CADPS2: variants seen among roughly 807,000 people sequenced by gnomAD.
The protein encoded by CADPS2 is calcium dependent secretion activator 2, also known as calcium-dependent secretion activator 2.
Under a neutral mutation model 172.5 loss-of-function variants are expected in CADPS2, and 93 were observed. The observed-to-expected ratio is 0.54, with a 90% CI of 0.46 to 0.64. The LOEUF is 0.64. Among genes scored for constraint, CADPS2 ranks in the 30% least tolerant of loss-of-function variants. The probability of loss-of-function intolerance (pLI) is 0.00; values close to 1 mark genes in which losing one functional copy is unlikely to be tolerated. For missense variants in CADPS2, 1,420 were observed against 1,565.9 expected (o/e 0.91, Z 1.57); for synonymous variants, 546 against 555.2 (o/e 0.98, Z 0.23).
intron 1 of CADPS2, among the ~76,000 whole-genome samples, chr7:122,866,571 C>T (rs890249517): frequency 6.6e-6 from 1 of 152,090 alleles, no homozygotes; most frequent in African/African-American, 2.4e-5. Flanking sequence ...TGTAGTGGCA[C>T]GCACCTGTAG....
At chr7:122,618,022 C>T (rs906081273) in intron 5 of CADPS2, among the ~76,000 whole-genome samples, 1 of 144,910 alleles carries the variant, frequency 6.9e-6, no homozygotes, top group Non-Finnish European at 1.5e-5. Flanking sequence ...CCAGCCTGGG[C>T]GACAGTGCAA....
chr7:122,725,197 A>C (rs770643339), intron 2 of CADPS2, among the ~76,000 whole-genome samples: 14 of 152,008 alleles, frequency 9.2e-5, no homozygotes, highest in Admixed American at 2.6e-4. Context: ...AATATAAGTA[A>C]ATGCTATATC....
intron 1 of CADPS2, among the ~76,000 whole-genome samples, chr7:122,758,291 CTCAGCAGAACAAAGAAAAGT>C (rs2093247423): frequency 1.3e-5 from 2 of 152,146 alleles, no homozygotes; most frequent in Admixed American, 1.3e-4. Flanking sequence ...ATGTATCCAT[CTCAGCAGAACAAAGAAAAGT>C]TCAGGCTGAA....
chr7:122,733,149 C>T (rs2091847245), intron 2 of CADPS2, among the ~76,000 whole-genome samples: 1 of 151,492 alleles, frequency 6.6e-6, no homozygotes, highest in Admixed American at 6.6e-5. Context: ...GAAAGGCCAA[C>T]CATGCTTCAT....
intron 7 of CADPS2, among the ~76,000 whole-genome samples, chr7:122,578,117 T>C (rs956431201): frequency 3.3e-5 from 5 of 151,088 alleles, no homozygotes; most frequent in African/African-American, 9.7e-5. Flanking sequence ...AAAGTATATA[T>C]ATTTATGTAT....
chr7:122,832,918 T>G (rs1807041297), intron 1 of CADPS2, among the ~76,000 whole-genome samples: 1 of 152,336 alleles, frequency 6.6e-6, no homozygotes, highest in Middle Eastern at 3.4e-3. Context: ...AAATAGTGCA[T>G]TTCTCTTCAC....
intron 2 of CADPS2, among the ~76,000 whole-genome samples, chr7:122,707,543 A>C (rs2087780490): frequency 6.6e-6 from 1 of 151,948 alleles, no homozygotes; most frequent in Non-Finnish European, 1.5e-5. Context: ...ACTACCTCAC[A>C]AGTGTCAGTA....
intron 17 of CADPS2, chr7:122,425,954 A>G (rs1676166115): frequency 6.6e-6 from 1 of 151,850 alleles, no homozygotes; most frequent in Non-Finnish European, 1.5e-5. Context: ...TTTTTTCCAT[A>G]CTCAAGGAGA....
chr7:122,362,326 C>T (rs1486609558), intron 25 of CADPS2, among the ~76,000 whole-genome samples: 1 of 152,120 alleles, frequency 6.6e-6, no homozygotes, highest in African/African-American at 2.4e-5. Context: ...GCACTGGACT[C>T]AGAATGTATA....
At chr7:122,691,867 G>C (rs2084417554) in intron 2 of CADPS2, among the ~76,000 whole-genome samples, 1 of 152,174 alleles carries the variant, frequency 6.6e-6, no homozygotes, top group Non-Finnish European at 1.5e-5. Flanking sequence ...GATGTGCACA[G>C]TGGACAAGCA....
intron 9 of CADPS2, among the ~76,000 whole-genome samples, chr7:122,503,020 G>T (rs568296726): frequency 7.1e-6 from 1 of 141,000 alleles, no homozygotes; most frequent in African/African-American, 2.6e-5. Flanking sequence ...AGACTTCAAG[G>T]AGAAAAAAAC....
chr7:122,415,746 A>G (rs933061887), intron 18 of CADPS2, among the ~76,000 whole-genome samples: 1 of 152,198 alleles, frequency 6.6e-6, no homozygotes, highest in African/African-American at 2.4e-5. Flanking sequence ...CCCTTCTTCA[A>G]TAACTGATGA....
intron 6 of CADPS2, among the ~76,000 whole-genome samples, chr7:122,590,406 G>A (rs2070601446): frequency 6.6e-6 from 1 of 151,816 alleles, no homozygotes; most frequent in Non-Finnish European, 1.5e-5. Context: ...GTTCTTTTAT[G>A]TAACACTATA....
chr7:122,742,879 T>G (rs1038006351), intron 1 of CADPS2, among the ~76,000 whole-genome samples: 1 of 152,182 alleles, frequency 6.6e-6, no homozygotes, highest in Non-Finnish European at 1.5e-5. Context: ...CAGGTCGTTT[T>G]AAAAATATTC....
At chr7:122,443,255 G>A (rs1223712112) in intron 15 of CADPS2, among the ~76,000 whole-genome samples, 1 of 152,118 alleles carries the variant, frequency 6.6e-6, no homozygotes, top group Admixed American at 6.5e-5. Flanking sequence ...ACACATTTAC[G>A]GAGTACAAGT....
chr7:122,772,313 C>T (rs899592808), intron 1 of CADPS2, among the ~76,000 whole-genome samples: 2 of 152,192 alleles, frequency 1.3e-5, no homozygotes, highest in Admixed American at 6.5e-5. Context: ...ATGTGATTAA[C>T]ATATCACTTC....
intron 7 of CADPS2, among the ~76,000 whole-genome samples, chr7:122,578,592 T>C (rs1478345474): frequency 1.3e-5 from 2 of 152,100 alleles, no homozygotes; most frequent in African/African-American, 4.8e-5. Flanking sequence ...AATTTGCATA[T>C]CTAATGTGCA....
chr7:122,490,385 A>C lies in CADPS2; in HGVS notation c.1652-104T>G. ...GGAAAAGAATGGCTTTGATATTAGC[A>C]GTTAAATGTTTTAAAGAATATTTAG... On this transcript the variant is annotated intron_variant, in intron 10 of 29. Coordinates refer to ENST00000449022, the MANE Select transcript of CADPS2 (RefSeq NM_017954.11). 8.7e-6 allele frequency: 7 copies of C among 802,414 alleles called. No individual in the cohort carries two copies. The South Asian group carries it at 1.2e-4, about 13-fold the overall frequency. The allele number at this position is 802,414 out of a possible 1,614,324, so 49.7% of individuals were successfully genotyped here.
intron 6 of CADPS2, 87 bp downstream of exon 6, chr7:122,615,093 AC>A: frequency 2.8e-6 from 2 of 706,218 alleles, no homozygotes; most frequent in Admixed American, 2.9e-5. Flanking sequence ...GTAATACCAC[AC>A]ATTTATGCAC....
Sources: gnomAD v4.1 joint callset for allele counts (sites outside exome capture counted in the v4.1 genomes callset) on GRCh38, gnomAD v4.1.1 for gene constraint, MANE v1.5 for transcripts, NCBI Gene and HGNC (gene_info 2026-07-23, HGNC 2026-07-21) for gene names.